NKAIN3: variants seen among roughly 807,000 people sequenced by gnomAD.
The protein encoded by NKAIN3 is sodium/potassium-transporting ATPase subunit beta-1-interacting protein 3.
In NKAIN3, 25 loss-of-function variants were observed where a neutral mutation model predicts 30.2. That is an observed-to-expected ratio of 0.83 (90% CI 0.60 to 1.16). The LOEUF (loss-of-function observed/expected upper bound fraction) is 1.16. Ranked by LOEUF, NKAIN3 falls within the 50% of genes most tolerant of loss-of-function variation. NKAIN3 has a pLI of 0.00. For missense variants in NKAIN3, 225 were observed against 254.1 expected (o/e 0.89, Z 0.78); for synonymous variants, 91 against 89.6 (o/e 1.02, Z -0.09).
chr8:62,756,589 C>T (rs1021015888), intron 4 of NKAIN3, among the ~76,000 whole-genome samples: 1 of 152,092 alleles, frequency 6.6e-6, no homozygotes, highest in African/African-American at 2.4e-5. Flanking sequence ...ATCTACATAA[C>T]GTCATATGTT....
At chr8:62,533,183 T>A (rs547572637) in intron 1 of NKAIN3, among the ~76,000 whole-genome samples, 17 of 152,328 alleles carry the variant, frequency 1.1e-4, no homozygotes, top group African/African-American at 3.4e-4. Flanking sequence ...AACTGTAAGT[T>A]ACAGTTTGAT....
intron 1 of NKAIN3, among the ~76,000 whole-genome samples, chr8:62,268,259 C>T (rs1812667000): frequency 6.6e-6 from 1 of 152,196 alleles, no homozygotes; most frequent in African/African-American, 2.4e-5. Flanking sequence ...AGATGCAGAA[C>T]AGCCTCTTCT....
At position 62,350,182 on chromosome 8, in the gene NKAIN3, T is replaced by G. The variant is rs1585711117; in HGVS notation, c.54+101055T>G. 3.9e-5 allele frequency among the ~76,000 whole-genome samples: 6 copies of G among 152,298 alleles called. No individual in the cohort carries two copies. The South Asian group carries it at 1.2e-3, about 32-fold the overall frequency. On this transcript the variant is annotated intron_variant, in intron 1 of 6. Transcript: ENST00000623646. ...TTTCACAACCAAGTGCATAGCAGCA[T>G]TATTCACAATAGCCAAAAGGTGGAA...
chr8:62,398,426 C>A (rs1417052086), intron 1 of NKAIN3, among the ~76,000 whole-genome samples: 1 of 84,042 alleles, frequency 1.2e-5, no homozygotes, highest in Non-Finnish European at 2.3e-5. Flanking sequence ...ATCTAAACCA[C>A]AAAATAAGCA....
At chr8:62,712,915 C>T (rs1373822438) in intron 3 of NKAIN3, among the ~76,000 whole-genome samples, 5 of 152,234 alleles carry the variant, frequency 3.3e-5, no homozygotes, top group Non-Finnish European at 7.3e-5. Flanking sequence ...GCTGCTCCCT[C>T]TACCACTGTA....
intron 1 of NKAIN3, among the ~76,000 whole-genome samples, chr8:62,409,145 G>GT (rs199834874): frequency 0.033 from 5,079 of 152,038 alleles, 323 homozygotes; most frequent in African/African-American, 0.12. Context: ...TCACGGAAGT[G>GT]TTTTTTGGAA....
intron 1 of NKAIN3, among the ~76,000 whole-genome samples, chr8:62,274,355 G>A (rs577935145): frequency 2.7e-4 from 41 of 152,208 alleles, no homozygotes; most frequent in African/African-American, 9.6e-4. Flanking sequence ...AATCTCCATT[G>A]AAGTTGGGTG....
chr8:62,962,879 G>C (rs1823609842), intron 6 of NKAIN3, among the ~76,000 whole-genome samples: 1 of 151,988 alleles, frequency 6.6e-6, no homozygotes, highest in Non-Finnish European at 1.5e-5. Flanking sequence ...ATACTATTCT[G>C]TCTATCTTTG....
intron 3 of NKAIN3, among the ~76,000 whole-genome samples, chr8:62,616,711 AC>A (rs1010901680): frequency 2.0e-5 from 3 of 151,752 alleles, no homozygotes; most frequent in African/African-American, 7.3e-5. Flanking sequence ...TTCCCCTCCC[AC>A]TTCAGGAGTG....
intron 1 of NKAIN3, among the ~76,000 whole-genome samples, chr8:62,401,013 T>TTCTCTCTCTCTC (rs71559370): frequency 0.014 from 2,040 of 143,706 alleles, 55 homozygotes; most frequent in East Asian, 0.068. Context: ...CTTTCTACCT[T>TTCTCTCTCTCTC]TCTCTCACTC....
intron 1 of NKAIN3, among the ~76,000 whole-genome samples, chr8:62,325,737 T>A (rs904898126): frequency 1.3e-5 from 2 of 152,084 alleles, no homozygotes; most frequent in African/African-American, 4.8e-5. Flanking sequence ...CATTTTGCAT[T>A]TTCTTGTTTG....
At chr8:62,996,005 CT>C (rs1244545717) in intron 5 of NKAIN3, among the ~76,000 whole-genome samples, 5 of 152,208 alleles carry the variant, frequency 3.3e-5, no homozygotes, top group African/African-American at 4.8e-5. Context: ...CTGAGAACCA[CT>C]GGTCCACACC....
chr8:62,796,789 T>TACACACACACACACAC (rs144656283), intron 4 of NKAIN3, among the ~76,000 whole-genome samples: 20,952 of 145,860 alleles, frequency 0.14, 1,756 homozygotes, highest in Middle Eastern at 0.19. Flanking sequence ...GTATCACACA[T>TACACACACACACACAC]ACACACACAC....
At chr8:62,370,212 T>C (rs573677612) in intron 1 of NKAIN3, among the ~76,000 whole-genome samples, 1 of 152,104 alleles carries the variant, frequency 6.6e-6, no homozygotes, top group African/African-American at 2.4e-5. Flanking sequence ...TAGAAATTGC[T>C]GAAGAAAAAA....
At chr8:62,640,738 C>T (rs1464019516) in intron 3 of NKAIN3, among the ~76,000 whole-genome samples, 2 of 152,052 alleles carry the variant, frequency 1.3e-5, no homozygotes, top group East Asian at 1.9e-4. Flanking sequence ...TAAAGGTATC[C>T]GTGGGATTCC....
chr8:62,408,056 C>A (rs369627895), intron 1 of NKAIN3, among the ~76,000 whole-genome samples: 10 of 152,160 alleles, frequency 6.6e-5, no homozygotes, highest in African/African-American at 2.4e-4. Flanking sequence ...CAGAGTGAGA[C>A]CCCATAGGAT....
intron 1 of NKAIN3, among the ~76,000 whole-genome samples, chr8:62,377,418 G>C (rs1047332045): frequency 6.6e-6 from 1 of 152,100 alleles, no homozygotes; most frequent in Non-Finnish European, 1.5e-5. Flanking sequence ...GAACCATTTT[G>C]AGTGTAAGAG....
In NKAIN3 at chr8:62,769,613, G is replaced by T. The variant is rs373485998; in HGVS notation, c.471+22484G>T. On this transcript the variant is annotated intron_variant, in intron 4 of 6. Transcript: ENST00000623646. Reference sequence around the variant, plus strand: ...GGCTAAGACAGTCTGAAAAGCCAGGGCTCTCCTCCCATCTCACTATTCCTT... The same window carrying T: ...GGCTAAGACAGTCTGAAAAGCCAGGTCTCTCCTCCCATCTCACTATTCCTT... 1.4e-4 allele frequency among the ~76,000 whole-genome samples: 22 copies of T among 152,272 alleles called. No individual in the cohort carries two copies. In the East Asian group the frequency reaches 2.5e-3, roughly 17 times the overall value.
intron 5 of NKAIN3, among the ~76,000 whole-genome samples, chr8:62,947,866 C>A (rs527993092): frequency 6.6e-6 from 1 of 152,260 alleles, no homozygotes; most frequent in Non-Finnish European, 1.5e-5. Context: ...GCTGCTCCTG[C>A]AGCCTCCCGT....
Sources: allele counts gnomAD v4.1 joint callset (sites outside exome capture counted in the v4.1 genomes callset), GRCh38; gene constraint gnomAD v4.1.1; transcripts MANE v1.5; gene names NCBI Gene and HGNC (gene_info 2026-07-23, HGNC 2026-07-21).